Variants in HMCN1 observed in about 807,000 individuals in gnomAD.
HMCN1 encodes hemicentin 1, also known as hemicentin-1.
A neutral mutation model predicts 625.9 loss-of-function variants in HMCN1; 321 were observed. That is an observed-to-expected ratio of 0.51 (90% CI 0.47 to 0.56). The LOEUF (loss-of-function observed/expected upper bound fraction) is 0.56, where lower values mean the gene tolerates loss of function less well. Ranked by LOEUF, HMCN1 falls within the 20% of genes least tolerant of loss-of-function variation. The pLI is 0.00. For synonymous variants in HMCN1, 2,425 were observed against 2,417.6 expected (o/e 1.00, Z -0.09); for missense variants, 6,588 against 6,887.3 (o/e 0.96, Z 1.54).
At chr1:185,919,084 T>C (rs1666873378) in intron 6 of HMCN1, among the ~76,000 whole-genome samples, 1 of 151,282 alleles carries the variant, frequency 6.6e-6, no homozygotes, top group Admixed American at 6.6e-5. Context: ...CATATATATA[T>C]ATATATAATT....
intron 46 of HMCN1, 151 bp downstream of exon 46, chr1:186,057,552 A>G (rs1657421294): frequency 1.6e-6 from 1 of 630,024 alleles, no homozygotes; most frequent in African/African-American, 1.8e-5. Context: ...AAAAATATTT[A>G]AAAGGATGTA....
intron 93 of HMCN1, among the ~76,000 whole-genome samples, chr1:186,149,585 A>G (rs1650546735): frequency 6.6e-6 from 1 of 152,114 alleles, no homozygotes; most frequent in Non-Finnish European, 1.5e-5. Context: ...TTGTGTGTTC[A>G]CTTTTAATTT....
Position 186,074,886 on chromosome 1 carries a change from T to C in HMCN1, c.8285T>C (p.Ile2762Thr). 1 of 1,607,806 alleles carries C rather than the reference T, an allele frequency of 6.2e-7. No individual in the cohort carries two copies. Among genetic ancestry groups the C allele is most frequent in the Non-Finnish European group, 8.5e-7 (1 of 1,174,628 alleles). ...GATGAGTTGGATTTTGATGTGAATA[T>C]TCAAGGTAATACTAATTGCTTATTG... ...GEDELDFDVN[I>T]QVPPSFQKLW... is the part of the protein sequence containing the mutation. Residue 2762 changes from isoleucine to threonine, a missense_variant, in exon 53 of 107, where the codon ATT (isoleucine) becomes ACT (threonine). By Grantham distance (89) the Ile-to-Thr change is moderately conservative. Coordinates refer to ENST00000271588, the MANE Select transcript of HMCN1 (RefSeq NM_031935.3).
chr1:185,744,513 T>C (rs1167026486), intron 1 of HMCN1, among the ~76,000 whole-genome samples: 2 of 152,196 alleles, frequency 1.3e-5, no homozygotes, highest in African/African-American at 4.8e-5. Context: ...TTCATTCAGT[T>C]ATTTAGTCTA....
Position 185,735,077 on chromosome 1 carries a change from C to T in HMCN1, c.268+30C>T, listed in dbSNP as rs751696136. ...GGGAAATATTTATACTTTGTCTTTG[C>T]TATGTCTCATGATTACATTATTTCT... On this transcript the variant is annotated intron_variant, in intron 1 of 106. Coordinates refer to ENST00000271588, the MANE Select transcript of HMCN1 (RefSeq NM_031935.3). 5 of 1,604,208 alleles carry T rather than the reference C, an allele frequency of 3.1e-6. No homozygotes were observed. In the African/African-American group the frequency reaches 6.7e-5, roughly 21 times the overall value.
chr1:186,098,978 C>T (rs1017162435), intron 68 of HMCN1, among the ~76,000 whole-genome samples: 1 of 151,994 alleles, frequency 6.6e-6, no homozygotes, highest in African/African-American at 2.4e-5. Flanking sequence ...AAGTTGATCT[C>T]ATAGAAGTAG....
chr1:185,783,041 G>A (rs372815082), intron 1 of HMCN1, among the ~76,000 whole-genome samples: 17 of 152,140 alleles, frequency 1.1e-4, no homozygotes, highest in East Asian at 3.9e-4. Flanking sequence ...GACTTTGTTC[G>A]TTTATTTTTA....
At chr1:185,909,004 T>G (rs1449680424) in intron 4 of HMCN1, among the ~76,000 whole-genome samples, 1 of 151,962 alleles carries the variant, frequency 6.6e-6, no homozygotes, top group Non-Finnish European at 1.5e-5. Flanking sequence ...ACTATTATGT[T>G]TTTAAATAAG....
In HMCN1 at chr1:186,040,996, G is replaced by C. The variant is rs150061349; in HGVS notation, c.6181-17G>C. On this transcript the variant is annotated splice_polypyrimidine_tract_variant and intron_variant, in intron 39 of 106. Coordinates refer to ENST00000271588, the MANE Select transcript of HMCN1 (RefSeq NM_031935.3). ...CTCAGAGACATATTGGTTATTTAGC[G>C]TTCTTACCATTGATAGGTTCTCTCT... is the stretch of plus-strand genomic sequence containing the variant. The C allele has an allele frequency of 3.2e-5, 51 of 1,611,908 alleles. 1 individual carries two copies. In the South Asian group the frequency reaches 5.3e-4, roughly 17 times the overall value.
intron 28 of HMCN1, among the ~76,000 whole-genome samples, chr1:186,003,490 T>C (rs1653331287): frequency 1.3e-5 from 2 of 152,142 alleles, no homozygotes; most frequent in Admixed American, 1.3e-4. Context: ...CTGTCATAAT[T>C]CTTGAAGGTA....
intron 69 of HMCN1, among the ~76,000 whole-genome samples, chr1:186,105,116 A>G (rs1332150418): frequency 6.6e-6 from 1 of 152,194 alleles, no homozygotes; most frequent in African/African-American, 2.4e-5. Flanking sequence ...TGTTCTAGCT[A>G]TTGTGGAGAA....
At chr1:185,892,076 G>C (rs1665133405) in intron 4 of HMCN1, among the ~76,000 whole-genome samples, 1 of 150,524 alleles carries the variant, frequency 6.6e-6, no homozygotes, top group Non-Finnish European at 1.5e-5. Flanking sequence ...TTCCATCGCT[G>C]TTACCCTTTC....
rs149065530 is a variant in HMCN1, at chr1:185,979,574, G to A, written c.2567-1404G>A. ...GTATGTTGTATTTCTACACAAATTA[G>A]CCCAAGAATTCGTAATATGAAAAAT... On this transcript the variant is annotated intron_variant, in intron 16 of 106. Transcript: ENST00000271588. 2.0e-5 allele frequency among the ~76,000 whole-genome samples: 3 copies of A among 152,252 alleles called. No individual in the cohort carries two copies. In the East Asian group the frequency reaches 5.8e-4, roughly 29 times the overall value.
chr1:185,964,970 T>A (rs61191597), intron 13 of HMCN1, among the ~76,000 whole-genome samples: 4,464 of 152,158 alleles, frequency 0.029, 215 homozygotes, highest in African/African-American at 0.1. Context: ...ATGCACCCAT[T>A]TATAATTTTT....
At position 185,865,792 on chromosome 1, in the gene HMCN1, A is replaced by C. The variant is rs1663153281; in HGVS notation, c.550A>C (p.Lys184Gln). The change falls in exon 4 of 107, where the codon AAA becomes CAA. Residue 184 changes from lysine (K) to glutamine (Q), a missense_variant. By Grantham distance (53) the Lys-to-Gln change is moderately conservative. Coordinates refer to ENST00000271588, the MANE Select transcript of HMCN1 (RefSeq NM_031935.3). ...DCDDRTHIGY[K>Q]VYEEIASTSS... The stretch of plus-strand genomic sequence containing the variant: ...TGATGACAGGACCCATATTGGATAT[A>C]AAGTCTATGAAGAAATTGCCTCTAC... 2 of 1,612,600 alleles carry C rather than the reference A, an allele frequency of 1.2e-6. No homozygotes were observed. The highest frequency in any genetic ancestry group is 1.7e-6 in the Non-Finnish European group (2 of 1,179,076).
intron 104 of HMCN1, among the ~76,000 whole-genome samples, chr1:186,179,570 G>GA (rs1485388338): frequency 2.0e-5 from 3 of 152,066 alleles, no homozygotes; most frequent in African/African-American, 2.4e-5. Context: ...TTGTTAGCTG[G>GA]AAAAAATAAG....
intron 54 of HMCN1, 142 bp downstream of exon 54, chr1:186,076,764 C>T: frequency 7.8e-6 from 6 of 773,532 alleles, no homozygotes; most frequent in East Asian, 2.6e-5. Context: ...CTGGCATCCA[C>T]GTAGCTTCAA....
chr1:185,842,403 T>A (rs1661530013), intron 1 of HMCN1, among the ~76,000 whole-genome samples: 1 of 151,234 alleles, frequency 6.6e-6, no homozygotes, highest in Non-Finnish European at 1.5e-5. Flanking sequence ...CTCCAAAAAA[T>A]ATGAAAAAAA....
rs1258212674 is a variant in HMCN1 at position 186,055,588 on chromosome 1, T to G, written c.7058T>G (p.Ile2353Ser). ...DEGHILQLKN[I>S]HVSDTGRYVC... ...GGTCACATCCTTCAGCTGAAGAACA[T>G]TCATGTATCTGACACAGGCCGTTAT... is the stretch of plus-strand genomic sequence containing the variant. Residue 2353 changes from isoleucine to serine, a missense_variant, in exon 45 of 107, where the codon ATT becomes AGT. Physicochemically the swap from Ile to Ser is moderately radical, Grantham distance 142. Transcript: ENST00000271588. 1 of 1,612,772 alleles carries G rather than the reference T, an allele frequency of 6.2e-7. No individual in the cohort carries two copies. The highest frequency in any genetic ancestry group is 2.2e-5 in the East Asian group (1 of 44,788).
Sources: gnomAD v4.1 joint callset for allele counts (sites outside exome capture counted in the v4.1 genomes callset) on GRCh38, gnomAD v4.1.1 for gene constraint, MANE v1.5 for transcripts, NCBI Gene and HGNC (gene_info 2026-07-23, HGNC 2026-07-21) for gene names.